UNC13B: variants seen among roughly 807,000 people sequenced by gnomAD.
UNC13B encodes the protein unc-13 homolog B, also known as protein unc-13 homolog B.
Under a neutral mutation model 211.0 loss-of-function variants are expected in UNC13B, and 144 were observed. That is an observed-to-expected ratio of 0.68 (90% confidence interval 0.60 to 0.78). UNC13B has a LOEUF of 0.78. Ranked by LOEUF, UNC13B falls within the 30% of genes least tolerant of loss-of-function variation. The pLI is 0.00. For missense variants in UNC13B, 1,777 were observed against 2,002.0 expected (o/e 0.89, Z 2.14); for synonymous variants, 709 against 725.8 (o/e 0.98, Z 0.37).
intron 6 of UNC13B, among the ~76,000 whole-genome samples, chr9:35,250,957 CTTTTTTTTTTTT>C (rs35077779): frequency 3.9e-5 from 3 of 77,060 alleles, no homozygotes; most frequent in African/African-American, 5.3e-5. Flanking sequence ...GTTACTCTTC[CTTTTTTTTTTTT>C]TTTTTTTTTT....
rs1834847877 is a variant in UNC13B, at chr9:35,381,671, A to G, written c.10607A>G (p.Asp3536Gly). The G allele has an allele frequency of 6.2e-7, 1 of 1,614,174 alleles. No homozygotes were observed. The highest frequency in any genetic ancestry group is 1.3e-5 in the African/African-American group (1 of 75,044). ...GATGAGACAGCCCAAGAAATTGTGG[A>G]TGAATTTGCCATGCGTTATGGCATT... Reference protein sequence around the residue: ...YFDETAQEIVDEFAMRYGIES... With the variant: ...YFDETAQEIVGEFAMRYGIES... The change falls in exon 20 of 40, where the codon GAT (aspartate) becomes GGT (glycine). Residue 3536 changes from aspartate to glycine, a missense_variant. By Grantham distance (94) the Asp-to-Gly change is moderately conservative (BLOSUM62 -1). Transcript: ENST00000635942.
At position 35,385,789 on chromosome 9, in the gene UNC13B, C is replaced by T. The variant is rs756360362; in HGVS notation, c.10941C>T (p.Thr3647=). The T allele has an allele frequency of 3.7e-6, 6 of 1,608,976 alleles. No individual in the cohort carries two copies. The African/African-American group carries it at 8.0e-5, about 22-fold the overall frequency. ...QDLKSTVDLL[T]SITFFRMKVQ... The stretch of plus-strand genomic sequence containing the variant: ...TAAAATCCACAGTGGATTTGCTGAC[C>T]AGCATTACTTTCTTCAGAATGAAGG... Residue 3647 remains threonine, a synonymous_variant, in exon 23 of 40, where the codon ACC becomes ACT. Coordinates refer to ENST00000635942, the MANE Select transcript of UNC13B (RefSeq NM_001371189.2).
Position 35,258,996 on chromosome 9 carries a change from T to C in UNC13B, c.472T>C (p.Ser158Pro). The change falls in exon 7 of 40, where the codon TCT (serine) becomes CCT (proline). Residue 158 changes from serine to proline, a missense_variant. Transcript: ENST00000635942. ...ATTTTCTCCTTTCTGCTTCTAGTAT[T>C]CTAGTCAAGAAGAAAGCCAGAGGAA... ...INALGADNEYSSQEESQRKPL... is the reference protein window; with the variant it reads ...INALGADNEYPSQEESQRKPL... The C allele has an allele frequency of 1.2e-6, 2 of 1,613,548 alleles. No homozygotes were observed. The highest frequency in any genetic ancestry group is 1.7e-6 in the Non-Finnish European group (2 of 1,179,760).
chr9:35,300,984 C>CAG lies in UNC13B; in HGVS notation c.1580_1581insAG (p.Glu528ValfsTer3). The CAG allele has an allele frequency of 2.5e-6, 1 of 398,982 alleles. No homozygotes were observed. The highest frequency in any genetic ancestry group is 4.4e-6 in the Non-Finnish European group (1 of 226,016). 24.7% of individuals were successfully genotyped at this position (398,982 alleles called of 1,614,324 possible). ...GACAAGGACACGGCCATCTCTTTCC[C>CAG]TGAGTTGACTGGAGTACAATGTGCT... On this transcript the variant is annotated frameshift_variant, in exon 9 of 40. Coordinates refer to ENST00000635942, the MANE Select transcript of UNC13B (RefSeq NM_001371189.2). LOFTEE classifies it high-confidence loss of function.
chr9:35,398,282 C>T lies in UNC13B; in HGVS notation c.11826C>T (p.Gly3942=), dbSNP rs1042497425. 3.7e-6 allele frequency: 6 copies of T among 1,613,656 alleles called. No individual in the cohort carries two copies. The South Asian group carries it at 4.4e-5, about 12-fold the overall frequency. The change falls in exon 31 of 40, where the codon GGC becomes GGT. Residue 3942 remains glycine (G), a synonymous_variant. Transcript: ENST00000635942. ...QLEKMFEAMG[G]KELDLEAADS... ...AGAAAATGTTTGAGGCCATGGGAGG[C>T]AAGGAGGTAGGTCTTAGGGTTTGGG...
intron 1 of UNC13B, among the ~76,000 whole-genome samples, chr9:35,195,311 T>C (rs930879718): frequency 1.4e-5 from 2 of 147,882 alleles, no homozygotes; most frequent in African/African-American, 2.4e-5. Flanking sequence ...TGTACCCTTA[T>C]TATCTGCCTA....
At chr9:35,330,509 A>G (rs1354221050) in intron 11 of UNC13B, among the ~76,000 whole-genome samples, 7 of 152,180 alleles carry the variant, frequency 4.6e-5, no homozygotes, top group Non-Finnish European at 8.8e-5. Context: ...TAACTTATCT[A>G]TGGATGACTC....
chr9:35,188,753 CCTT>C (rs1822495971), intron 1 of UNC13B, among the ~76,000 whole-genome samples: 2 of 152,138 alleles, frequency 1.3e-5, no homozygotes, highest in Admixed American at 1.3e-4. Context: ...AAGGCAAAAA[CCTT>C]CTATTAACCT....
intron 7 of UNC13B, among the ~76,000 whole-genome samples, chr9:35,286,804 C>T (rs914102370): frequency 5.3e-5 from 8 of 152,114 alleles, no homozygotes; most frequent in African/African-American, 1.9e-4. Flanking sequence ...CAAACACATC[C>T]GTGTGCTGGG....
chr9:35,349,207 C>T (rs565553316), intron 11 of UNC13B, among the ~76,000 whole-genome samples: 2 of 152,164 alleles, frequency 1.3e-5, no homozygotes, highest in East Asian at 1.9e-4. Flanking sequence ...AGAGCCACCA[C>T]GCCCAGCCGC....
At chr9:35,314,939 A>G (rs941706747) in intron 11 of UNC13B, among the ~76,000 whole-genome samples, 1 of 124,894 alleles carries the variant, frequency 8.0e-6, no homozygotes, top group South Asian at 2.6e-4. Flanking sequence ...GCTGGAGTGC[A>G]GTGGTGTGAT....
At chr9:35,381,329 T>G in intron 19 of UNC13B, 114 bp downstream of exon 19, 1 of 1,033,888 alleles carries the variant, frequency 9.7e-7, no homozygotes, top group South Asian at 1.6e-5. Context: ...ATTTTATCCT[T>G]GATTCACTCT....
At chr9:35,190,581 C>T (rs1320715840) in intron 1 of UNC13B, among the ~76,000 whole-genome samples, 1 of 151,934 alleles carries the variant, frequency 6.6e-6, no homozygotes, top group Non-Finnish European at 1.5e-5. Context: ...GTCTGTAGTG[C>T]CTCCTCTGTT....
intron 7 of UNC13B, among the ~76,000 whole-genome samples, chr9:35,273,222 C>G (rs1827991486): frequency 6.6e-6 from 1 of 152,206 alleles, no homozygotes; most frequent in Admixed American, 6.5e-5. Context: ...GAAGCATTGT[C>G]AGTAATATAC....
At position 35,306,721 on chromosome 9, in the gene UNC13B, C is replaced by A. The variant is rs772079354; in HGVS notation, c.7317C>A (p.Asn2439Lys). ...PEPGCAGNLQ[N>K]QDADKEEDKF... ...CAGGGTGTGCAGGGAACCTTCAGAACCAAGATGCAGATAAAGAGGAAGACA... is the reference window on the plus strand; with the variant it reads ...CAGGGTGTGCAGGGAACCTTCAGAAACAAGATGCAGATAAAGAGGAAGACA... Residue 2439 changes from asparagine (N) to lysine (K), a missense_variant, in exon 9 of 40, where the codon AAC (asparagine) becomes AAA (lysine). Physicochemically the swap from Asn to Lys is moderately conservative, Grantham distance 94. Coordinates refer to ENST00000635942, the MANE Select transcript of UNC13B (RefSeq NM_001371189.2). 1.1e-4 allele frequency: 42 copies of A among 398,906 alleles called. No homozygotes were observed. Among genetic ancestry groups the A allele is most frequent in the Admixed American group, 2.6e-4 (6 of 22,708 alleles). 24.7% of individuals were successfully genotyped at this position (398,906 alleles called of 1,614,324 possible).
chr9:35,251,448 G>A (rs146019558), intron 6 of UNC13B, among the ~76,000 whole-genome samples: 2 of 152,150 alleles, frequency 1.3e-5, no homozygotes, highest in African/African-American at 2.4e-5. Flanking sequence ...TTAGCTTGGC[G>A]TGGTGGTGGG....
At chr9:35,347,347 C>T (rs1456030700) in intron 11 of UNC13B, among the ~76,000 whole-genome samples, 1 of 152,234 alleles carries the variant, frequency 6.6e-6, no homozygotes, top group African/African-American at 2.4e-5. Flanking sequence ...TGCAGTTCAA[C>T]TGACTTGGAG....
At chr9:35,329,819 C>A (rs1439138958) in intron 11 of UNC13B, among the ~76,000 whole-genome samples, 2 of 152,138 alleles carry the variant, frequency 1.3e-5, no homozygotes, top group Non-Finnish European at 2.9e-5. Context: ...GACTGTTCTA[C>A]TTTGTTTTGG....
chr9:35,366,797 G>A (rs758193481), intron 11 of UNC13B, 150 bp from the exon 12 acceptor site: 109 of 664,044 alleles, frequency 1.6e-4, no homozygotes, highest in Non-Finnish European at 2.9e-4. Flanking sequence ...TGACTGATCA[G>A]GACATTGGTT....
Sources: gnomAD v4.1 joint callset for allele counts (sites outside exome capture counted in the v4.1 genomes callset) on GRCh38, gnomAD v4.1.1 for gene constraint, MANE v1.5 for transcripts, NCBI Gene and HGNC (gene_info 2026-07-23, HGNC 2026-07-21) for gene names.